The following CHD9NB variants were observed in gnomAD, a reference collection of about 807,000 sequenced individuals.
CHD9NB encodes CHD9 neighbor.
the CHD9NB span, among the ~76,000 whole-genome samples, chr16:53,036,681 C>T: frequency 7.9e-5 from 12 of 152,314 alleles, no homozygotes; most frequent in East Asian, 2.1e-3. Context: ...TAGATTGATG[C>T]CAAGCAGCCA....
the CHD9NB span, among the ~76,000 whole-genome samples, chr16:53,039,300 G>A: frequency 6.6e-6 from 1 of 152,104 alleles, no homozygotes; most frequent in Non-Finnish European, 1.5e-5. Flanking sequence ...TCAGGACGAT[G>A]TCTCTCCTTC....
chr16:53,041,613 G>T, the CHD9NB span, among the ~76,000 whole-genome samples: 21 of 152,186 alleles, frequency 1.4e-4, no homozygotes, highest in Admixed American at 3.3e-4. Flanking sequence ...TGCCCCTCAG[G>T]AGCTAGTGAA....
At chr16:53,036,458 TC>T in the CHD9NB span, among the ~76,000 whole-genome samples, 3 of 152,202 alleles carry the variant, frequency 2.0e-5, no homozygotes, top group Admixed American at 1.3e-4. Context: ...CAGAGTTTTG[TC>T]CTTGATAGAT....
the CHD9NB span, among the ~76,000 whole-genome samples, chr16:53,040,293 C>G: frequency 6.6e-6 from 1 of 151,890 alleles, no homozygotes; most frequent in Non-Finnish European, 1.5e-5. Context: ...CCAGGATGGT[C>G]TTGATCTCCT....
chr16:53,048,201 C>T, the CHD9NB span, among the ~76,000 whole-genome samples: 2 of 152,050 alleles, frequency 1.3e-5, no homozygotes, highest in African/African-American at 2.4e-5. Flanking sequence ...CCCAGGGGTT[C>T]GAGACCAGCC....
chr16:53,042,831 G>C, the CHD9NB span: 1 of 152,258 alleles, frequency 6.6e-6, no homozygotes, highest in Non-Finnish European at 1.5e-5. Context: ...AAACTGCTGG[G>C]GCTCAACTGT....
the CHD9NB span, chr16:53,042,885 T>A: frequency 6.6e-6 from 1 of 152,274 alleles, no homozygotes; most frequent in Non-Finnish European, 1.5e-5. Context: ...GCAAGTGACT[T>A]TATTTCCTCC....
the CHD9NB span, among the ~76,000 whole-genome samples, chr16:53,049,190 T>C: frequency 9.9e-5 from 15 of 152,042 alleles, no homozygotes; most frequent in Admixed American, 2.0e-4. Flanking sequence ...TCTCACTCTG[T>C]TGCCTGGATG....
the CHD9NB span, among the ~76,000 whole-genome samples, chr16:53,049,774 T>C: frequency 2.6e-5 from 4 of 152,204 alleles, no homozygotes; most frequent in African/African-American, 7.2e-5. Flanking sequence ...GTAGTGGTCA[T>C]GGTTAAAAGC....
chr16:53,050,357 A>C, the CHD9NB span, among the ~76,000 whole-genome samples: 1 of 151,988 alleles, frequency 6.6e-6, no homozygotes, highest in African/African-American at 2.4e-5. Flanking sequence ...AAATATAAAA[A>C]ATTAGCCAGA....
chr16:53,047,738 T>A, the CHD9NB span, among the ~76,000 whole-genome samples: 3 of 151,934 alleles, frequency 2.0e-5, no homozygotes, highest in Admixed American at 2.0e-4. Context: ...TGGCTCACAC[T>A]TGTAATCTCA....
chr16:53,038,983 A>G, the CHD9NB span, among the ~76,000 whole-genome samples: 2 of 151,176 alleles, frequency 1.3e-5, no homozygotes, highest in African/African-American at 4.9e-5. Flanking sequence ...CTAAAACTCA[A>G]CCCCTCATCT....
chr16:53,048,757 T>A, the CHD9NB span, among the ~76,000 whole-genome samples: 1 of 152,208 alleles, frequency 6.6e-6, no homozygotes, highest in Non-Finnish European at 1.5e-5. Context: ...CTAACAGCTA[T>A]GACTATAGGT....
the CHD9NB span, among the ~76,000 whole-genome samples, chr16:53,044,610 A>G: frequency 6.6e-6 from 1 of 152,190 alleles, no homozygotes; most frequent in Non-Finnish European, 1.5e-5. Flanking sequence ...CCTTTAACCT[A>G]GAATGCCAAC....
At chr16:53,044,225 C>G in the CHD9NB span, 2 of 398,270 alleles carry the variant, frequency 5.0e-6, no homozygotes, top group Non-Finnish European at 8.8e-6. Context: ...GTGCCTTCCT[C>G]CTTGGGGGCC....
At chr16:53,044,161 C>G in the CHD9NB span, 2 of 398,698 alleles carry the variant, frequency 5.0e-6, no homozygotes, top group Non-Finnish European at 8.8e-6. Context: ...CACCCCATCT[C>G]AGAGGGACAC....
the CHD9NB span, among the ~76,000 whole-genome samples, chr16:53,046,208 C>CA: frequency 1.3e-5 from 2 of 152,078 alleles, no homozygotes; most frequent in Non-Finnish European, 2.9e-5. Flanking sequence ...CCAGGGCCAG[C>CA]AATCCTCCTT....
chr16:53,045,330 A>T, the CHD9NB span, among the ~76,000 whole-genome samples: 873 of 152,320 alleles, frequency 5.7e-3, 9 homozygotes, highest in Non-Finnish European at 9.8e-3. Context: ...GACAGATGTT[A>T]TCCACTTTGT....
the CHD9NB span, among the ~76,000 whole-genome samples, chr16:53,044,628 A>G: frequency 2.6e-5 from 4 of 152,046 alleles, no homozygotes; most frequent in South Asian, 8.3e-4. Context: ...AACTCCACCC[A>G]CTGTTGAGGA....
Sources: gnomAD v4.1 joint callset for allele counts (sites outside exome capture counted in the v4.1 genomes callset) on GRCh38, gnomAD v4.1.1 for gene constraint, MANE v1.5 for transcripts, NCBI Gene and HGNC (gene_info 2026-07-23, HGNC 2026-07-21) for gene names.